The following RBFOX1 variants were observed in gnomAD, a reference collection of about 807,000 sequenced individuals.
The protein encoded by RBFOX1 is RNA binding protein fox-1 homolog 1.
In RBFOX1, 8 loss-of-function variants were observed where a neutral mutation model predicts 57.7. That is an observed-to-expected ratio of 0.14 (90% CI 0.08 to 0.25). The LOEUF is 0.25. Ranked by LOEUF, RBFOX1 falls within the 10% of genes least tolerant of loss-of-function variation. The pLI is 1.00. For missense variants in RBFOX1, 611 were observed against 548.5 expected, an observed-to-expected ratio of 1.11 and a Z score of -1.14; for synonymous variants, 326 against 222.4, an observed-to-expected ratio of 1.47 and a Z score of -4.15.
Position 6,722,525 on chromosome 16 carries a change from T to C in RBFOX1, c.-16+67875T>C, listed in dbSNP as rs974850238. 9.4e-4 allele frequency among the ~76,000 whole-genome samples: 18 copies of C among 19,192 alleles called. No homozygotes were observed. In the Non-Finnish European group the frequency reaches 0.015, roughly 16 times the overall value. 12.6% of individuals were successfully genotyped at this position (19,192 alleles called of 152,430 possible). The stretch of plus-strand genomic sequence containing the variant: ...CCATGTAGATAAATACTTGGCATTT[T>C]GCCAAGTCATTTTGTATACTCAGTA... On this transcript the variant is annotated intron_variant, in intron 3 of 15. Transcript: ENST00000550418.
intron 4 of RBFOX1, among the ~76,000 whole-genome samples, chr16:7,500,974 C>A (rs1249099059): frequency 6.6e-6 from 1 of 152,164 alleles, no homozygotes. Flanking sequence ...TTTGCTCGGC[C>A]CTTGTCCTTC....
intron 4 of RBFOX1, among the ~76,000 whole-genome samples, chr16:7,213,516 G>A (rs1040954058): frequency 6.6e-6 from 1 of 151,650 alleles, no homozygotes; most frequent in Non-Finnish European, 1.5e-5. Flanking sequence ...TAAAGATGTG[G>A]TGCATGGCTT....
intron 2 of RBFOX1, among the ~76,000 whole-genome samples, chr16:6,361,622 T>A (rs2088543944): frequency 6.8e-6 from 1 of 146,066 alleles, no homozygotes; most frequent in South Asian, 2.1e-4. Flanking sequence ...ATTGAGACTC[T>A]GTCTCTAAAA....
chr16:6,020,107 A>G, intron 1 of RBFOX1, 115 bp downstream of exon 1: 1 of 1,193,732 alleles, frequency 8.4e-7, no homozygotes, highest in Non-Finnish European at 1.1e-6. Context: ...TCCTAGCGCC[A>G]GTCTGGGCGC....
intron 4 of RBFOX1, among the ~76,000 whole-genome samples, chr16:7,393,351 C>T (rs1425179125): frequency 1.3e-5 from 2 of 152,134 alleles, no homozygotes; most frequent in African/African-American, 4.8e-5. Context: ...TCTTGCTCAC[C>T]TCTGGATGTC....
At chr16:5,624,684 C>T (rs558338693) in intron 3 of RBFOX1, among the ~76,000 whole-genome samples, 2 of 152,264 alleles carry the variant, frequency 1.3e-5, no homozygotes, top group Non-Finnish European at 2.9e-5. Context: ...GCGCTCTCAG[C>T]TACTGCAATG....
At chr16:5,992,624 T>C (rs2152320770) in intron 4 of RBFOX1, among the ~76,000 whole-genome samples, 1 of 152,286 alleles carries the variant, frequency 6.6e-6, no homozygotes. Flanking sequence ...ACTAATATTT[T>C]CTGACAGGAG....
intron 2 of RBFOX1, among the ~76,000 whole-genome samples, chr16:6,531,610 G>A (rs569965206): frequency 3.3e-5 from 5 of 152,216 alleles, no homozygotes; most frequent in African/African-American, 9.6e-5. Context: ...TGGCCTTAAT[G>A]TTCTATTCCT....
intron 1 of RBFOX1, among the ~76,000 whole-genome samples, chr16:5,342,321 G>C (rs576369245): frequency 6.6e-6 from 1 of 152,232 alleles, no homozygotes; most frequent in East Asian, 1.9e-4. Context: ...GATTCCAGGG[G>C]ACTCTGTTAG....
intron 14 of RBFOX1, among the ~76,000 whole-genome samples, chr16:7,699,797 G>T (rs1469775208): frequency 6.6e-6 from 1 of 151,888 alleles, no homozygotes; most frequent in Admixed American, 6.5e-5. Flanking sequence ...TTGCATGTGT[G>T]GCTTTTATTA....
intron 11 of RBFOX1, among the ~76,000 whole-genome samples, chr16:7,634,395 T>TTC (rs1208541760): frequency 6.6e-6 from 1 of 151,964 alleles, no homozygotes; most frequent in African/African-American, 2.4e-5. Flanking sequence ...TTTGTTTTTT[T>TTC]TTTTCGAGAC....
chr16:6,179,787 A>G (rs182145054), intron 1 of RBFOX1, among the ~76,000 whole-genome samples: 96 of 152,270 alleles, frequency 6.3e-4, no homozygotes, highest in Non-Finnish European at 1.2e-3. Flanking sequence ...ATTATCTTTC[A>G]TAGTTTCTGT....
At chr16:7,582,135 C>G (rs1285981063) in intron 6 of RBFOX1, among the ~76,000 whole-genome samples, 1 of 151,404 alleles carries the variant, frequency 6.6e-6, no homozygotes, top group Non-Finnish European at 1.5e-5. Flanking sequence ...TCAAGCGATT[C>G]TTGTGCCTCA....
chr16:7,649,920 T>C (rs1214256420), intron 11 of RBFOX1, among the ~76,000 whole-genome samples: 1 of 149,982 alleles, frequency 6.7e-6, no homozygotes, highest in Admixed American at 6.6e-5. Context: ...AGGATTGTAA[T>C]GAAGGCAGGA....
intron 5 of RBFOX1, among the ~76,000 whole-genome samples, chr16:7,534,638 T>C (rs2081043769): frequency 6.6e-6 from 1 of 152,098 alleles, no homozygotes; most frequent in Non-Finnish European, 1.5e-5. Context: ...TCAGACAATT[T>C]TTTCACCAGG....
At chr16:6,078,511 G>A (rs941152422) in intron 1 of RBFOX1, among the ~76,000 whole-genome samples, 2 of 152,052 alleles carry the variant, frequency 1.3e-5, no homozygotes, top group African/African-American at 2.4e-5. Flanking sequence ...CCAAAAGACT[G>A]GACACCCCTG....
intron 3 of RBFOX1, among the ~76,000 whole-genome samples, chr16:6,917,261 C>G (rs574641413): frequency 6.6e-6 from 1 of 152,146 alleles, no homozygotes; most frequent in South Asian, 2.1e-4. Flanking sequence ...AAGAGTCTGT[C>G]CCAGCTACTG....
chr16:6,431,892 G>GCTTTCTTTCTTTCTTTCTTTCTTT (rs1491491088), intron 2 of RBFOX1, among the ~76,000 whole-genome samples: 1 of 118,118 alleles, frequency 8.5e-6, no homozygotes, highest in Admixed American at 8.8e-5. Flanking sequence ...ATGCTTGCTT[G>GCTTTCTTTCTTTCTTTCTTTCTTT]CTTGCTTTCT....
chr16:6,085,458 A>AG (rs1202903164), intron 1 of RBFOX1, among the ~76,000 whole-genome samples: 2 of 152,028 alleles, frequency 1.3e-5, no homozygotes, highest in Middle Eastern at 3.2e-3. Context: ...TTTTATAGAG[A>AG]GGGGGTTTCA....
Sources: allele counts gnomAD v4.1 joint callset (sites outside exome capture counted in the v4.1 genomes callset), GRCh38; gene constraint gnomAD v4.1.1; transcripts MANE v1.5; gene names NCBI Gene and HGNC (gene_info 2026-07-23, HGNC 2026-07-21).